The following TDRD9 variants were observed in gnomAD, a reference collection of about 807,000 sequenced individuals.
TDRD9 encodes ATP-dependent RNA helicase TDRD9.
Under a neutral mutation model 172.6 loss-of-function variants are expected in TDRD9, and 124 were observed. That is an observed-to-expected ratio of 0.72 (90% CI 0.62 to 0.83). The LOEUF (loss-of-function observed/expected upper bound fraction) is 0.83, where lower values mean the gene tolerates loss of function less well. TDRD9 is among the 40% of genes least tolerant of loss of function. TDRD9 has a pLI of 0.00. For synonymous variants in TDRD9, 619 were observed against 617.1 expected (o/e 1.00, Z -0.05); for missense variants, 1,479 against 1,714.1 (o/e 0.86, Z 2.42).
chr14:103,933,514 A>G (rs973409936), intron 1 of TDRD9, among the ~76,000 whole-genome samples: 1 of 152,230 alleles, frequency 6.6e-6, no homozygotes, highest in African/African-American at 2.4e-5. Context: ...TCTGGTGATT[A>G]CTTTCTTCTA....
In TDRD9 at chr14:103,945,330, T is replaced by C. The variant is rs574261460; in HGVS notation, c.216-10334T>C. On this transcript the variant is annotated intron_variant, in intron 1 of 35. Transcript: ENST00000409874. ...ACTTTTCTTACCACCTTAACTCACATTGAGTATACCTTCCTTTGAAGTTAA... is the reference window on the plus strand; with the variant it reads ...ACTTTTCTTACCACCTTAACTCACACTGAGTATACCTTCCTTTGAAGTTAA... The C allele has an allele frequency of 4.6e-5, 7 of 152,314 alleles. No homozygotes were observed. In the East Asian group the frequency reaches 9.6e-4, roughly 21 times the overall value. The allele number at this position is 152,314 out of a possible 1,614,324, so 9.4% of individuals were successfully genotyped here. A position where few individuals can be genotyped will look rare whatever the true frequency, so the allele number is the denominator to read the frequency against.
chr14:104,041,933 G>T (rs1164486905), intron 33 of TDRD9, 136 bp from the exon 34 acceptor site: 2 of 583,482 alleles, frequency 3.4e-6, no homozygotes, highest in Non-Finnish European at 6.1e-6. Context: ...GAGCAGTCAA[G>T]ATGCCTTCAG....
chr14:104,004,101 G>A lies in TDRD9; in HGVS notation c.1484-137G>A, dbSNP rs569063916. 51 of 466,542 alleles carry A rather than the reference G, an allele frequency of 1.1e-4. No individual in the cohort carries two copies. The East Asian group carries it at 1.6e-3, about 14-fold the overall frequency. 28.9% of individuals were successfully genotyped at this position (466,542 alleles called of 1,614,324 possible). On this transcript the variant is annotated intron_variant, in intron 13 of 35. Transcript: ENST00000409874. Reference sequence around the variant, plus strand: ...TAAGAATACACTAATGTATTCTAAAGTTTTTACTGACATAGTCTGGTGGAA... The same window carrying A: ...TAAGAATACACTAATGTATTCTAAAATTTTTACTGACATAGTCTGGTGGAA...
intron 1 of TDRD9, among the ~76,000 whole-genome samples, chr14:103,945,692 C>A (rs2031518563): frequency 6.6e-6 from 1 of 152,090 alleles, no homozygotes; most frequent in Non-Finnish European, 1.5e-5. Flanking sequence ...CTAGTTTACA[C>A]CTTGTTAGCT....
chr14:103,973,599 G>A (rs547322699), intron 6 of TDRD9, among the ~76,000 whole-genome samples: 1 of 152,354 alleles, frequency 6.6e-6, no homozygotes, highest in Admixed American at 6.5e-5. Flanking sequence ...TGGCCAGGCT[G>A]AGTCCTGCTT....
intron 2 of TDRD9, among the ~76,000 whole-genome samples, chr14:103,956,102 AAAAAAAAAAATATATAT>A (rs2032194430): frequency 7.0e-5 from 4 of 57,280 alleles, no homozygotes; most frequent in Non-Finnish European, 9.4e-5. Context: ...AAAAAAAAAA[AAAAAAAAAAATATATAT>A]ATATATATAT....
chr14:103,986,160 A>T, intron 7 of TDRD9, 57 bp from the exon 8 acceptor site: 1 of 1,292,458 alleles, frequency 7.7e-7, no homozygotes, highest in Non-Finnish European at 1.1e-6. Flanking sequence ...ATCCAACGCC[A>T]GGTTTCTTCT....
In TDRD9 at chr14:104,051,687, C is replaced by G. The variant is rs11627072; in HGVS notation, c.4048-294C>G. ...TGGTATTTTGTGGTTTTGATTTGCA[C>G]TTCTCTGATGATTACTGATGTGTGG... On this transcript the variant is annotated intron_variant, in intron 35 of 35. Transcript: ENST00000409874. 0.49 allele frequency among the ~76,000 whole-genome samples: 74,006 copies of G among 152,028 alleles called. 19,099 individuals carry two copies. Among genetic ancestry groups the G allele is most frequent in the South Asian group, 0.62 (2,992 of 4,824 alleles).
At chr14:104,013,346 G>C (rs1435717778) in intron 20 of TDRD9, among the ~76,000 whole-genome samples, 1 of 152,174 alleles carries the variant, frequency 6.6e-6, no homozygotes, top group African/African-American at 2.4e-5. Flanking sequence ...CCTGTTCGGA[G>C]GGACTATTTG....
In TDRD9 at chr14:103,954,909, G is replaced by A. The variant is rs142690203; in HGVS notation, c.216-755G>A. On this transcript the variant is annotated intron_variant, in intron 1 of 35. Transcript: ENST00000409874. ...CTCCCAAAGTGCTGGGATTACAGGC[G>A]TGAGCCACTGTGCCTAGGCTGTTTA... Among the ~76,000 whole-genome samples, 1,184 of 151,492 alleles carry A rather than the reference G, an allele frequency of 7.8e-3. 14 individuals carry two copies. Among genetic ancestry groups the A allele is most frequent in the African/African-American group, 0.028 (1,137 of 41,248 alleles).
In TDRD9 at chr14:104,033,996, C is replaced by T; in HGVS notation, c.3546C>T (p.Val1182=). 1 of 1,551,612 alleles carries T rather than the reference C, an allele frequency of 6.4e-7. No individual in the cohort carries two copies. Among genetic ancestry groups the T allele is most frequent in the Non-Finnish European group, 8.7e-7 (1 of 1,146,704 alleles). The part of the protein sequence containing the change: ...VWIEKESINS[V]IISDAPEDLH... The stretch of plus-strand genomic sequence containing the variant: ...TTGAGAAGGAGAGCATCAACTCTGT[C>T]ATTATCAGTGACGCCCCTGAAGACC... The change falls in exon 31 of 36, where the codon GTC becomes GTT. Residue 1182 remains valine, a synonymous_variant. Transcript: ENST00000409874.
At chr14:104,023,184 C>CAAAAAAAAAAAAAAAAAAAAAAAA (rs10661391) in intron 24 of TDRD9, among the ~76,000 whole-genome samples, 1 of 64,456 alleles carries the variant, frequency 1.6e-5, no homozygotes, top group African/African-American at 7.2e-5. Context: ...GACTCCGTCT[C>CAAAAAAAAAAAAAAAAAAAAAAAA]AAAAAAAAAA....
chr14:103,937,832 C>T (rs74887240), intron 1 of TDRD9, among the ~76,000 whole-genome samples: 3,480 of 150,680 alleles, frequency 0.023, 79 homozygotes, highest in East Asian at 0.072. Flanking sequence ...TTCTCTATGA[C>T]TTTGGTTTTG....
At position 103,980,483 on chromosome 14, in the gene TDRD9, A is replaced by G. The variant is rs2033429611; in HGVS notation, c.1011+4930A>G. ...CTTATCAGAGACTTTTAGTACTTTC[A>G]CTAACTTGCCACTGCTATCTAAAAG... On this transcript the variant is annotated intron_variant, in intron 7 of 35. Coordinates refer to ENST00000409874, the MANE Select transcript of TDRD9 (RefSeq NM_153046.3). This position sits in a 1 kb window ranked among gnomAD's most constrained non-coding sequence, Gnocchi z 4.5. 6.6e-6 allele frequency among the ~76,000 whole-genome samples: 1 copy of G among 152,142 alleles called. No individual in the cohort carries two copies. Among genetic ancestry groups the G allele is most frequent in the Admixed American group, 6.5e-5 (1 of 15,272 alleles).
intron 30 of TDRD9, 48 bp downstream of exon 30, chr14:104,032,135 G>A (rs4906405): frequency 0.99 from 1,184,142 of 1,197,536 alleles, 586,440 homozygotes; most frequent in East Asian, 1. Context: ...CTGCTTTTCT[G>A]TTTATAGATC....
chr14:103,959,323 C>T (rs992363068), intron 2 of TDRD9, among the ~76,000 whole-genome samples: 2 of 152,110 alleles, frequency 1.3e-5, no homozygotes, highest in African/African-American at 4.8e-5. Flanking sequence ...GCCTTGAACT[C>T]CTAGACTCAA....
chr14:104,026,992 C>A (rs1482214808), intron 28 of TDRD9, 53 bp downstream of exon 28: 10 of 1,579,376 alleles, frequency 6.3e-6, no homozygotes, highest in Admixed American at 1.7e-5. Context: ...GAGAACGGGG[C>A]AGGCTTTCCT....
intron 28 of TDRD9, among the ~76,000 whole-genome samples, chr14:104,028,346 C>T (rs1294107644): frequency 1.3e-5 from 2 of 152,158 alleles, no homozygotes; most frequent in Non-Finnish European, 2.9e-5. Flanking sequence ...GCATCCTTAC[C>T]AGCATTTATT....
At chr14:104,006,970 T>C (rs1216800440) in intron 18 of TDRD9, 125 bp downstream of exon 18, 11 of 992,028 alleles carry the variant, frequency 1.1e-5, no homozygotes, top group South Asian at 1.5e-5. Context: ...TCAGGGTTAT[T>C]GGTGTCCAGT....
Sources: gnomAD v4.1 joint callset for allele counts (sites outside exome capture counted in the v4.1 genomes callset) on GRCh38, gnomAD v4.1.1 for gene constraint, Gnocchi (gnomAD v3.1) non-coding constraint, MANE v1.5 for transcripts, NCBI Gene and HGNC (gene_info 2026-07-23, HGNC 2026-07-21) for gene names.